The following ADAMTS19 variants were observed in gnomAD, a reference collection of about 807,000 sequenced individuals.
The protein encoded by ADAMTS19 is ADAM metallopeptidase with thrombospondin type 1 motif 19.
Under a neutral mutation model 153.3 loss-of-function variants are expected in ADAMTS19, and 93 were observed. That is an observed-to-expected ratio of 0.61 (90% CI 0.51 to 0.72). ADAMTS19 has a LOEUF of 0.72. Among genes scored for constraint, ADAMTS19 ranks in the 30% least tolerant of loss-of-function variants. The pLI, the probability that ADAMTS19 is intolerant of heterozygous loss-of-function variation, is 0.00. For missense variants in ADAMTS19, 1,482 were observed against 1,552.1 expected (o/e 0.95, Z 0.76); for synonymous variants, 600 against 556.6 (o/e 1.08, Z -1.10).
In ADAMTS19 at chr5:129,574,859, G is replaced by GAA. The variant is rs34873192; in HGVS notation, c.1373-21691_1373-21690dup. Among the ~76,000 whole-genome samples, 27 of 148,940 alleles carry GAA rather than the reference G, an allele frequency of 1.8e-4. No homozygotes were observed. The East Asian group carries it at 2.2e-3, about 12-fold the overall frequency. On this transcript the variant is annotated intron_variant, in intron 7 of 22. Coordinates refer to ENST00000274487, the MANE Select transcript of ADAMTS19 (RefSeq NM_133638.6). Reference sequence around the variant, plus strand: ...TTTTTTTAAGTATCAAAGCATTCTTGAAAAAAAAAATTAACGTGTTTATTT... The same window carrying GAA: ...TTTTTTTAAGTATCAAAGCATTCTTGAAAAAAAAAAAATTAACGTGTTTATTT...
chr5:129,665,706 T>C (rs1754019368), intron 16 of ADAMTS19, 127 bp downstream of exon 16: 6 of 695,632 alleles, frequency 8.6e-6, no homozygotes, highest in Non-Finnish European at 1.3e-5. Flanking sequence ...GAACTATCTT[T>C]TGTCATATCA....
At chr5:129,562,236 T>G (rs1174782246) in intron 7 of ADAMTS19, among the ~76,000 whole-genome samples, 1 of 152,210 alleles carries the variant, frequency 6.6e-6, no homozygotes, top group Non-Finnish European at 1.5e-5. Context: ...AAATGCTTTA[T>G]CCATACTTCC....
chr5:129,549,160 A>C (rs1752973495), intron 6 of ADAMTS19, among the ~76,000 whole-genome samples: 1 of 150,568 alleles, frequency 6.6e-6, no homozygotes, highest in Non-Finnish European at 1.5e-5. Flanking sequence ...CATGTACCCT[A>C]AAACTTAAAG....
intron 2 of ADAMTS19, among the ~76,000 whole-genome samples, chr5:129,478,631 C>T (rs1215994451): frequency 5.3e-5 from 8 of 152,138 alleles, no homozygotes; most frequent in Admixed American, 1.3e-4. Flanking sequence ...ACTGCCACCT[C>T]GAACTCCCAT....
intron 7 of ADAMTS19, among the ~76,000 whole-genome samples, chr5:129,588,609 A>C (rs1252453080): frequency 6.6e-6 from 1 of 151,896 alleles, no homozygotes; most frequent in Non-Finnish European, 1.5e-5. Context: ...CAACATACAC[A>C]TATATTAAAT....
chr5:129,473,324 A>G (rs1181593051), intron 2 of ADAMTS19, among the ~76,000 whole-genome samples: 1 of 152,094 alleles, frequency 6.6e-6, no homozygotes, highest in Non-Finnish European at 1.5e-5. Flanking sequence ...TGATAGGTAC[A>G]TTTCCATTAT....
chr5:129,569,467 C>T (rs537656614), intron 7 of ADAMTS19, among the ~76,000 whole-genome samples: 8 of 151,964 alleles, frequency 5.3e-5, no homozygotes, highest in Non-Finnish European at 1.0e-4. Context: ...TGAAAACCAC[C>T]GCTAGCTAAC....
chr5:129,531,301 C>A (rs1326107709), intron 6 of ADAMTS19, among the ~76,000 whole-genome samples: 2 of 151,978 alleles, frequency 1.3e-5, no homozygotes, highest in Non-Finnish European at 2.9e-5. Flanking sequence ...GGCAGAGGAC[C>A]TAGAAGAATC....
intron 2 of ADAMTS19, among the ~76,000 whole-genome samples, chr5:129,488,959 T>C (rs1750681754): frequency 6.6e-6 from 1 of 152,120 alleles, no homozygotes; most frequent in Non-Finnish European, 1.5e-5. Context: ...GCTTCAGTTT[T>C]CAAACAGAAC....
intron 2 of ADAMTS19, among the ~76,000 whole-genome samples, chr5:129,488,023 CGTT>C (rs1042979406): frequency 5.9e-5 from 9 of 151,716 alleles, no homozygotes; most frequent in Non-Finnish European, 1.3e-4. Flanking sequence ...AAGAAAGTAA[CGTT>C]GTAACTCTGT....
In ADAMTS19 at chr5:129,592,585, C is replaced by G. The variant is rs192949331; in HGVS notation, c.1373-3974C>G. ...GGTTACAGTCATTCTCTATAACTTTCAAATCAAATAAAAAATTCCTTGGTG... is the reference window on the plus strand; with the variant it reads ...GGTTACAGTCATTCTCTATAACTTTGAAATCAAATAAAAAATTCCTTGGTG... On this transcript the variant is annotated intron_variant, in intron 7 of 22. Transcript: ENST00000274487. Among the ~76,000 whole-genome samples, 200 of 152,070 alleles carry G rather than the reference C, an allele frequency of 1.3e-3. 2 individuals carry two copies. The highest frequency in any genetic ancestry group is 2.9e-4 in the Non-Finnish European group (20 of 67,982).
At chr5:129,637,490 T>C (rs1473941214) in intron 10 of ADAMTS19, among the ~76,000 whole-genome samples, 1 of 152,156 alleles carries the variant, frequency 6.6e-6, no homozygotes, top group Non-Finnish European at 1.5e-5. Flanking sequence ...ATTTTAGAAG[T>C]TGTGCAGGGA....
chr5:129,498,891 T>C (rs866027335), intron 2 of ADAMTS19, among the ~76,000 whole-genome samples: 1 of 151,950 alleles, frequency 6.6e-6, no homozygotes. Context: ...ACCTGATTTT[T>C]GTCTGTCCTT....
intron 10 of ADAMTS19, among the ~76,000 whole-genome samples, chr5:129,625,772 A>C (rs1000673015): frequency 4.0e-5 from 6 of 151,868 alleles, no homozygotes; most frequent in African/African-American, 1.5e-4. Flanking sequence ...GATTGCAAAA[A>C]TTTTCTCCCA....
chr5:129,656,913 T>C (rs1293282495), intron 14 of ADAMTS19, among the ~76,000 whole-genome samples: 1 of 152,246 alleles, frequency 6.6e-6, no homozygotes, highest in Non-Finnish European at 1.5e-5. Context: ...GTACCAGGGA[T>C]AGAGCAATAA....
At position 129,528,667 on chromosome 5, in the gene ADAMTS19, C is replaced by T; in HGVS notation, c.1318C>T (p.Leu440Phe). ...CATGACTTCAGTGGATGCAGCTATACTTATAACAAGGTAAATTTTCCAATG... is the reference window on the plus strand; with the variant it reads ...CATGACTTCAGTGGATGCAGCTATATTTATAACAAGGTAAATTTTCCAATG... ...EDMTSVDAAI[L>F]ITRKDFCVHK... Residue 440 changes from leucine to phenylalanine, a missense_variant, in exon 6 of 23, where the codon CTT (leucine) becomes TTT (phenylalanine). Physicochemically the swap from Leu to Phe is conservative, Grantham distance 22. Coordinates refer to ENST00000274487, the MANE Select transcript of ADAMTS19 (RefSeq NM_133638.6). 6.3e-7 allele frequency: 1 copy of T among 1,588,898 alleles called. No homozygotes were observed. The highest frequency in any genetic ancestry group is 2.3e-5 in the East Asian group (1 of 42,828).
intron 8 of ADAMTS19, among the ~76,000 whole-genome samples, chr5:129,603,556 T>C (rs1750762788): frequency 6.6e-6 from 1 of 152,148 alleles, no homozygotes; most frequent in South Asian, 2.1e-4. Flanking sequence ...TGCATTATTG[T>C]GTATGGTTTT....
At chr5:129,507,288 A>ATT (rs1204001083) in intron 2 of ADAMTS19, among the ~76,000 whole-genome samples, 2 of 152,042 alleles carry the variant, frequency 1.3e-5, no homozygotes, top group Admixed American at 6.6e-5. Flanking sequence ...AGAATAACAT[A>ATT]TTTCTTTATT....
chr5:129,490,856 T>C (rs1257943149), intron 2 of ADAMTS19, among the ~76,000 whole-genome samples: 1 of 152,178 alleles, frequency 6.6e-6, no homozygotes, highest in African/African-American at 2.4e-5. Context: ...TTTCGATTTT[T>C]TTTTTGGTAA....
Sources: gnomAD v4.1 joint callset for allele counts (sites outside exome capture counted in the v4.1 genomes callset) on GRCh38, gnomAD v4.1.1 for gene constraint, MANE v1.5 for transcripts, NCBI Gene and HGNC (gene_info 2026-07-23, HGNC 2026-07-21) for gene names.